Variants in SYN3 observed in about 807,000 individuals in gnomAD.
SYN3 encodes the protein synapsin III, also known as synapsin-3.
In SYN3, 35 loss-of-function variants were observed where a neutral mutation model predicts 65.8. The observed-to-expected ratio is 0.53, with a 90% confidence interval of 0.41 to 0.70. The LOEUF (loss-of-function observed/expected upper bound fraction) is 0.70, where lower values mean the gene tolerates loss of function less well. Among genes scored for constraint, SYN3 ranks in the 30% least tolerant of loss-of-function variants. The probability of loss-of-function intolerance (pLI) is 0.00; values close to 1 mark genes in which losing one functional copy is unlikely to be tolerated. For missense variants in SYN3, 680 were observed against 749.0 expected (o/e 0.91, Z 1.08); for synonymous variants, 270 against 292.9 (o/e 0.92, Z 0.80).
intron 6 of SYN3, among the ~76,000 whole-genome samples, chr22:32,799,494 T>G (rs1019211360): frequency 6.6e-6 from 1 of 152,236 alleles, no homozygotes; most frequent in Non-Finnish European, 1.5e-5. Flanking sequence ...TACTTGATAC[T>G]TATATTCCAG....
chr22:32,842,877 T>A (rs969567571), intron 6 of SYN3, among the ~76,000 whole-genome samples: 1 of 152,146 alleles, frequency 6.6e-6, no homozygotes, highest in Admixed American at 6.5e-5. Flanking sequence ...GTGTAAGTGA[T>A]TGGGAAGGGT....
rs777041699 is a variant in SYN3 at position 32,513,667 on chromosome 22, T to C, written c.*25A>G. 5.0e-6 allele frequency: 8 copies of C among 1,612,690 alleles called. No individual in the cohort carries two copies. The highest frequency in any genetic ancestry group is 6.8e-6 in the Non-Finnish European group (8 of 1,179,220). On this transcript the variant is annotated 3_prime_UTR_variant, in exon 14 of 14. Coordinates refer to ENST00000358763, the MANE Select transcript of SYN3 (RefSeq NM_003490.4). ...GAGGGGGACGAGTGTAGCAGAGCAC[T>C]CTTCCCCTCCCAGCCTGGATGGCGT...
chr22:32,684,957 C>A (rs901343053), intron 6 of SYN3, among the ~76,000 whole-genome samples: 13 of 152,174 alleles, frequency 8.5e-5, no homozygotes, highest in African/African-American at 2.7e-4. Flanking sequence ...TAGGAATTGG[C>A]AAACTGTGGC....
intron 7 of SYN3, among the ~76,000 whole-genome samples, chr22:32,556,800 C>T (rs1395309444): frequency 0.5 from 5,674 of 11,250 alleles, 1,380 homozygotes; most frequent in South Asian, 0.63. Context: ...CTATAGGTTT[C>T]CTGGTTTTTT....
chr22:32,873,160 A>G lies in SYN3; in HGVS notation c.462-4035T>C, dbSNP rs565113092. 1.1e-3 allele frequency among the ~76,000 whole-genome samples: 169 copies of G among 152,244 alleles called. 1 individual carries two copies. Among genetic ancestry groups the G allele is most frequent in the Middle Eastern group, 6.8e-3 (2 of 294 alleles). ...GAGGCAAGGTTTTGCCATTTTGGAC[A>G]GGCTAGTTTCAAACTCCTGACCTCA... is the stretch of plus-strand genomic sequence containing the variant. On this transcript the variant is annotated intron_variant, in intron 4 of 13. Coordinates refer to ENST00000358763, the MANE Select transcript of SYN3 (RefSeq NM_003490.4).
chr22:32,912,213 A>C (rs1449751872), intron 4 of SYN3, among the ~76,000 whole-genome samples: 2 of 152,206 alleles, frequency 1.3e-5, no homozygotes, highest in African/African-American at 4.8e-5. Context: ...GATGGAGGTC[A>C]ATATGAGAGG....
chr22:32,524,471 A>G (rs1311040527), intron 12 of SYN3, among the ~76,000 whole-genome samples: 1 of 152,246 alleles, frequency 6.6e-6, no homozygotes, highest in Non-Finnish European at 1.5e-5. Flanking sequence ...TGGAAAAACA[A>G]AGCCTGGATA....
intron 3 of SYN3, among the ~76,000 whole-genome samples, chr22:32,935,641 G>C (rs1006001396): frequency 1.3e-5 from 2 of 152,100 alleles, no homozygotes; most frequent in African/African-American, 4.8e-5. Flanking sequence ...AGTAGAGACA[G>C]GGTTTCACCA....
At chr22:32,896,946 TG>T (rs1239473307) in intron 4 of SYN3, among the ~76,000 whole-genome samples, 53 of 152,194 alleles carry the variant, frequency 3.5e-4, no homozygotes, top group Non-Finnish European at 1.3e-4. Flanking sequence ...CAGTGATGTT[TG>T]GTAACCTATG....
intron 6 of SYN3, among the ~76,000 whole-genome samples, chr22:32,647,303 T>G (rs1015706292): frequency 1.3e-5 from 2 of 152,134 alleles, no homozygotes; most frequent in Non-Finnish European, 2.9e-5. Context: ...CTTCCAAGGC[T>G]ACAGGCATAT....
intron 7 of SYN3, among the ~76,000 whole-genome samples, chr22:32,592,262 C>A (rs61606211): frequency 6.6e-6 from 1 of 152,168 alleles, no homozygotes; most frequent in Non-Finnish European, 1.5e-5. Context: ...AGTACTACCC[C>A]CTCACTGTCC....
chr22:32,648,337 C>G (rs1915464126), intron 6 of SYN3, among the ~76,000 whole-genome samples: 1 of 152,084 alleles, frequency 6.6e-6, no homozygotes, highest in Non-Finnish European at 1.5e-5. Flanking sequence ...TGGTTATTTT[C>G]TTTTGTCAGG....
intron 1 of SYN3, among the ~76,000 whole-genome samples, chr22:33,058,030 G>C (rs1165140393): frequency 6.6e-6 from 1 of 152,058 alleles, no homozygotes; most frequent in African/African-American, 2.4e-5. Context: ...TCCCGGGCCC[G>C]GCAGACGGCC....
At chr22:32,985,512 T>C (rs2052499454) in intron 2 of SYN3, among the ~76,000 whole-genome samples, 1 of 152,176 alleles carries the variant, frequency 6.6e-6, no homozygotes, top group Non-Finnish European at 1.5e-5. Flanking sequence ...ATGCCAACCC[T>C]GAGGGGTGGT....
chr22:32,993,080 G>A (rs776879124), intron 2 of SYN3, among the ~76,000 whole-genome samples: 1 of 152,094 alleles, frequency 6.6e-6, no homozygotes, highest in Non-Finnish European at 1.5e-5. Flanking sequence ...TTTGAACAGA[G>A]AGAAACAAGG....
chr22:32,533,748 T>A, intron 10 of SYN3, 45 bp downstream of exon 10: 1 of 1,418,800 alleles, frequency 7.0e-7, no homozygotes, highest in South Asian at 1.2e-5. Context: ...CTGGCACGCC[T>A]GCCAGGCTGG....
chr22:32,903,223 T>C (rs1332230415), intron 4 of SYN3, among the ~76,000 whole-genome samples: 1 of 152,140 alleles, frequency 6.6e-6, no homozygotes, highest in Non-Finnish European at 1.5e-5. Context: ...TACCCTAAAA[T>C]TGCTATAATT....
chr22:32,757,672 T>C (rs1354911917), intron 6 of SYN3, among the ~76,000 whole-genome samples: 1 of 152,100 alleles, frequency 6.6e-6, no homozygotes, highest in Non-Finnish European at 1.5e-5. Flanking sequence ...ACCCCGACTA[T>C]CAAGATGAAA....
At chr22:32,999,951 T>G (rs2053010064) in intron 2 of SYN3, among the ~76,000 whole-genome samples, 1 of 152,208 alleles carries the variant, frequency 6.6e-6, no homozygotes, top group South Asian at 2.1e-4. Context: ...ATGGGAGGTT[T>G]CAGACCAGTG....
Sources: gnomAD v4.1 joint callset for allele counts (sites outside exome capture counted in the v4.1 genomes callset) on GRCh38, gnomAD v4.1.1 for gene constraint, MANE v1.5 for transcripts, NCBI Gene and HGNC (gene_info 2026-07-23, HGNC 2026-07-21) for gene names.